THSD7A: variants seen among roughly 807,000 people sequenced by gnomAD.
THSD7A encodes the protein thrombospondin type-1 domain-containing protein 7A.
Under a neutral mutation model 231.3 loss-of-function variants are expected in THSD7A, and 96 were observed. The ratio of observed to expected loss-of-function variants is 0.41; its 90% CI spans 0.35 to 0.49. The LOEUF is 0.49. THSD7A is among the 20% of genes least tolerant of loss of function. THSD7A has a pLI of 0.05. For missense variants in THSD7A, 2,290 were observed against 2,070.2 expected (o/e 1.11, Z -2.06); for synonymous variants, 940 against 743.3 (o/e 1.26, Z -4.30).
intron 2 of THSD7A, among the ~76,000 whole-genome samples, chr7:11,624,837 T>C (rs1182469012): frequency 6.6e-6 from 1 of 152,180 alleles, no homozygotes; most frequent in Non-Finnish European, 1.5e-5. Context: ...AAGTTAGGGA[T>C]AAGGCTTTAT....
chr7:11,828,207 T>G (rs376500548), intron 1 of THSD7A, among the ~76,000 whole-genome samples: 10 of 152,358 alleles, frequency 6.6e-5, no homozygotes, highest in African/African-American at 2.4e-4. Context: ...GTTTGAAAGT[T>G]TATTGATAAT....
At chr7:11,599,862 A>G (rs562008177) in intron 2 of THSD7A, among the ~76,000 whole-genome samples, 15 of 147,578 alleles carry the variant, frequency 1.0e-4, no homozygotes, top group African/African-American at 3.8e-4. Flanking sequence ...AGGCAGAAAC[A>G]CCTTTCATCT....
At chr7:11,686,089 C>T (rs947525411) in intron 1 of THSD7A, among the ~76,000 whole-genome samples, 2 of 151,730 alleles carry the variant, frequency 1.3e-5, no homozygotes, top group Non-Finnish European at 2.9e-5. Context: ...GAAACAGAAA[C>T]CCAAATACCA....
intron 16 of THSD7A, 115 bp from the exon 17 acceptor site, chr7:11,417,718 T>C (rs1210702778): frequency 2.8e-6 from 3 of 1,059,628 alleles, no homozygotes; most frequent in Non-Finnish European, 3.9e-6. Flanking sequence ...AAGACATCGT[T>C]ATGGGGGTGG....
intron 9 of THSD7A, among the ~76,000 whole-genome samples, 199 bp downstream of exon 9, chr7:11,469,678 GTT>G (rs1785853897): frequency 6.6e-6 from 1 of 152,166 alleles, no homozygotes; most frequent in South Asian, 2.1e-4. Flanking sequence ...TTCAAGCCAG[GTT>G]TTGGCATAAA....
At chr7:11,775,384 T>C (rs999352904) in intron 1 of THSD7A, among the ~76,000 whole-genome samples, 3 of 152,216 alleles carry the variant, frequency 2.0e-5, no homozygotes, top group Non-Finnish European at 2.9e-5. Context: ...TCTGAGCTAT[T>C]TGTACACCCG....
At chr7:11,449,444 G>C (rs1785075861) in intron 11 of THSD7A, among the ~76,000 whole-genome samples, 1 of 151,890 alleles carries the variant, frequency 6.6e-6, no homozygotes, top group Non-Finnish European at 1.5e-5. Context: ...GAGTATTCAA[G>C]GTACAGGAAG....
intron 5 of THSD7A, among the ~76,000 whole-genome samples, chr7:11,542,493 A>C (rs1789194727): frequency 6.6e-6 from 1 of 152,202 alleles, no homozygotes; most frequent in Admixed American, 6.5e-5. Context: ...TCAAAGTAAT[A>C]AGCAGCCTTA....
rs562922253 is a variant in THSD7A at position 11,633,937 on chromosome 7, T to C, written c.1022+2193A>G. ...AATTGTTTCTGGATTTAATAGAAGCTAAAACATTTTAAATTTGATCACTAA... is the reference window on the plus strand; with the variant it reads ...AATTGTTTCTGGATTTAATAGAAGCCAAAACATTTTAAATTTGATCACTAA... On this transcript the variant is annotated intron_variant, in intron 2 of 27. Coordinates refer to ENST00000423059, the MANE Select transcript of THSD7A (RefSeq NM_015204.3). 1.4e-4 allele frequency among the ~76,000 whole-genome samples: 21 copies of C among 152,310 alleles called. No homozygotes were observed. The South Asian group carries it at 4.3e-3, about 32-fold the overall frequency.
intron 6 of THSD7A, among the ~76,000 whole-genome samples, chr7:11,515,526 T>C (rs1017131309): frequency 2.0e-5 from 3 of 152,156 alleles, no homozygotes; most frequent in African/African-American, 7.2e-5. Flanking sequence ...TCTATTTATA[T>C]AATATAAAAA....
intron 1 of THSD7A, among the ~76,000 whole-genome samples, chr7:11,812,654 C>T (rs1050773726): frequency 6.6e-6 from 1 of 152,146 alleles, no homozygotes; most frequent in Non-Finnish European, 1.5e-5. Flanking sequence ...CAGTTATCAC[C>T]TATTATTTAT....
intron 4 of THSD7A, among the ~76,000 whole-genome samples, chr7:11,583,410 G>A (rs964660050): frequency 2.6e-5 from 4 of 152,022 alleles, no homozygotes; most frequent in African/African-American, 9.7e-5. Context: ...CCATGTAGAT[G>A]GGACTACAGG....
chr7:11,450,855 C>G (rs1267767491), intron 11 of THSD7A, among the ~76,000 whole-genome samples: 1 of 151,952 alleles, frequency 6.6e-6, no homozygotes, highest in Non-Finnish European at 1.5e-5. Flanking sequence ...TGTTACCCTA[C>G]AGATAATTCA....
intron 6 of THSD7A, among the ~76,000 whole-genome samples, chr7:11,506,808 C>G (rs1787563296): frequency 6.6e-6 from 1 of 152,182 alleles, no homozygotes; most frequent in African/African-American, 2.4e-5. Flanking sequence ...TATCAAGTAT[C>G]CATTTAACTT....
At chr7:11,420,221 C>T (rs1255499257) in intron 16 of THSD7A, among the ~76,000 whole-genome samples, 1 of 152,222 alleles carries the variant, frequency 6.6e-6, no homozygotes, top group Non-Finnish European at 1.5e-5. Flanking sequence ...GCCTCCAAGA[C>T]ATTTCAGACA....
At chr7:11,522,607 T>A (rs1459819093) in intron 6 of THSD7A, among the ~76,000 whole-genome samples, 1 of 148,436 alleles carries the variant, frequency 6.7e-6, no homozygotes, top group East Asian at 1.9e-4. Flanking sequence ...TATTAGAGAA[T>A]TTTGTATCAC....
intron 1 of THSD7A, among the ~76,000 whole-genome samples, chr7:11,778,156 C>CAAAAAAAAAAAAAAAAAAAA (rs57740181): frequency 6.7e-4 from 30 of 45,038 alleles, no homozygotes; most frequent in Non-Finnish European, 6.5e-4. Flanking sequence ...GACTCCGTCT[C>CAAAAAAAAAAAAAAAAAAAA]AAAAAAAAAA....
At chr7:11,802,142 T>C (rs1164361847) in intron 1 of THSD7A, among the ~76,000 whole-genome samples, 6 of 152,156 alleles carry the variant, frequency 3.9e-5, no homozygotes, top group African/African-American at 1.2e-4. Context: ...AACTTAATTA[T>C]TCCCTTGCTC....
rs953911276 is a variant in THSD7A, at chr7:11,633,606, G to A, written c.1022+2524C>T. Reference sequence around the variant, plus strand: ...ATGCCCTTCTAAGTGTCCTCCCTAAGTTGTGTCTAATTTTACCACATTAGC... The same window carrying A: ...ATGCCCTTCTAAGTGTCCTCCCTAAATTGTGTCTAATTTTACCACATTAGC... On this transcript the variant is annotated intron_variant, in intron 2 of 27. Transcript: ENST00000423059. 2.6e-5 allele frequency among the ~76,000 whole-genome samples: 4 copies of A among 152,224 alleles called. No individual in the cohort carries two copies. The South Asian group carries it at 8.3e-4, about 32-fold the overall frequency.
Sources: allele counts gnomAD v4.1 joint callset (sites outside exome capture counted in the v4.1 genomes callset), GRCh38; gene constraint gnomAD v4.1.1; transcripts MANE v1.5; gene names NCBI Gene and HGNC (gene_info 2026-07-23, HGNC 2026-07-21).